The following ZNF430 variants were observed in gnomAD, a reference collection of about 807,000 sequenced individuals.
ZNF430 encodes zinc finger protein 430.
Under a neutral mutation model 56.7 loss-of-function variants are expected in ZNF430, and 35 were observed. The ratio of observed to expected loss-of-function variants is 0.62; its 90% CI spans 0.47 to 0.82. The LOEUF (loss-of-function observed/expected upper bound fraction) is 0.82. Among genes scored for constraint, ZNF430 ranks in the 40% least tolerant of loss-of-function variants. ZNF430 has a pLI of 0.00. For missense variants in ZNF430, 574 were observed against 661.0 expected (o/e 0.87, Z 1.44); for synonymous variants, 212 against 224.3 (o/e 0.94, Z 0.49).
At chr19:21,032,795 A>G (rs1316269050) in intron 2 of ZNF430, among the ~76,000 whole-genome samples, 1 of 152,202 alleles carries the variant, frequency 6.6e-6, no homozygotes, top group Non-Finnish European at 1.5e-5. Flanking sequence ...GAAGAAAAAA[A>G]GTCTGCACAA....
intron 4 of ZNF430, among the ~76,000 whole-genome samples, chr19:21,053,076 C>T (rs1968310902): frequency 6.6e-6 from 1 of 152,088 alleles, no homozygotes; most frequent in South Asian, 2.1e-4. Context: ...AAATGCATCG[C>T]GACTGTTCAG....
chr19:21,044,806 T>C (rs1968160451), intron 4 of ZNF430, among the ~76,000 whole-genome samples: 1 of 152,208 alleles, frequency 6.6e-6, no homozygotes, highest in Non-Finnish European at 1.5e-5. Context: ...GGTTTGGTCT[T>C]GGGAGGGTGT....
chr19:21,020,885 C>G (rs1409357339), intron 1 of ZNF430, 82 bp downstream of exon 1: 1 of 1,580,222 alleles, frequency 6.3e-7, no homozygotes, highest in African/African-American at 1.3e-5. Flanking sequence ...GGGACTCAGG[C>G]CTCCCGGCAG....
In ZNF430 at chr19:21,059,946, G is replaced by T. The variant is rs756184790; in HGVS notation, c.*1925G>T. ...GTAGGTGTTCAGAGTAATATTTTGC[G>T]TTGTGAGAACATTTTTAATTTTATT... is the stretch of plus-strand genomic sequence containing the variant. On this transcript the variant is annotated 3_prime_UTR_variant, in exon 5 of 5. Transcript: ENST00000261560. 1 of 151,954 alleles carries T rather than the reference G, an allele frequency of 6.6e-6. No homozygotes were observed. Among genetic ancestry groups the T allele is most frequent in the East Asian group, 1.9e-4 (1 of 5,182 alleles). The allele number at this position is 151,954 out of a possible 1,614,324, so 9.4% of individuals were successfully genotyped here. A position where few individuals can be genotyped will look rare whatever the true frequency, so the allele number is the denominator to read the frequency against.
At chr19:21,028,509 A>T (rs1044975555) in intron 2 of ZNF430, among the ~76,000 whole-genome samples, 1 of 152,070 alleles carries the variant, frequency 6.6e-6, no homozygotes, top group African/African-American at 2.4e-5. Flanking sequence ...TCCAGCCTGG[A>T]TTATCATTGG....
intron 1 of ZNF430, 37 bp from the exon 2 acceptor site, chr19:21,022,752 T>C: frequency 3.7e-6 from 5 of 1,346,268 alleles, no homozygotes; most frequent in Non-Finnish European, 4.3e-6. Context: ...TTAGAGTGTC[T>C]AGTGGATATC....
intron 4 of ZNF430, among the ~76,000 whole-genome samples, chr19:21,046,438 G>T (rs1434137046): frequency 1.3e-5 from 2 of 152,038 alleles, no homozygotes; most frequent in Admixed American, 6.6e-5. Context: ...AGTGTCATTG[G>T]TCTTTGTACT....
rs758383489 is a variant in ZNF430, at chr19:21,057,118, T to G, written c.810T>G (p.Phe270Leu). Reference protein sequence around the residue: ...PYKCEQCGKAFKQSSTLTTHK... With the variant: ...PYKCEQCGKALKQSSTLTTHK... The stretch of plus-strand genomic sequence containing the variant: ...AATGTGAACAATGTGGCAAAGCTTT[T>G]AAGCAGTCCTCAACCCTTACTACAC... Residue 270 changes from phenylalanine (F) to leucine (L), a missense_variant, in exon 5 of 5, where the codon TTT becomes TTG. This residue lies in a region of ZNF430 where 346 missense variants were observed against 399.1 expected (regional missense o/e 0.87). Transcript: ENST00000261560. 3 of 1,614,100 alleles carry G rather than the reference T, an allele frequency of 1.9e-6. No homozygotes were observed. Among genetic ancestry groups the G allele is most frequent in the Non-Finnish European group, 2.5e-6 (3 of 1,179,998 alleles).
chr19:21,053,075 G>A (rs1188570521), intron 4 of ZNF430, among the ~76,000 whole-genome samples: 1 of 152,038 alleles, frequency 6.6e-6, no homozygotes, highest in Non-Finnish European at 1.5e-5. Context: ...AAAATGCATC[G>A]CGACTGTTCA....
chr19:21,056,862 T>C lies in ZNF430; in HGVS notation c.554T>C (p.Val185Ala). 6.2e-7 allele frequency: 1 copy of C among 1,610,336 alleles called. No homozygotes were observed. Among genetic ancestry groups the C allele is most frequent in the South Asian group, 1.1e-5 (1 of 90,160 alleles). The change falls in exon 5 of 5, where the codon GTC becomes GCC. Residue 185 changes from valine to alanine, a missense_variant. By Grantham distance (64) the Val-to-Ala change is moderately conservative. Coordinates refer to ENST00000261560, the MANE Select transcript of ZNF430 (RefSeq NM_025189.4). ...EIFQYDKYVNVFYKFSNPNIQ... is the reference protein window; with the variant it reads ...EIFQYDKYVNAFYKFSNPNIQ... ...TTTCAATATGATAAATATGTGAATG[T>C]CTTTTATAAATTTTCAAATCCAAAT...
chr19:21,054,745 G>A (rs1203014575), intron 4 of ZNF430, among the ~76,000 whole-genome samples: 1 of 126,246 alleles, frequency 7.9e-6, no homozygotes, highest in Admixed American at 1.1e-4. Flanking sequence ...GCGCATCTCC[G>A]CTCACTATAA....
chr19:21,047,245 A>C (rs938022416), intron 4 of ZNF430, among the ~76,000 whole-genome samples: 1 of 152,064 alleles, frequency 6.6e-6, no homozygotes, highest in African/African-American at 2.4e-5. Context: ...AATGTTTTTC[A>C]TGGTTCTTAG....
At position 21,056,824 on chromosome 19, in the gene ZNF430, C is replaced by A. The variant is rs1968386866; in HGVS notation, c.516C>A (p.Thr172=). ...YDELNQCLTT[T]QSEIFQYDKY... The stretch of plus-strand genomic sequence containing the variant: ...AACTAAACCAGTGTTTGACAACTAC[C>A]CAGAGTGAAATATTTCAATATGATA... Residue 172 remains threonine (T), a synonymous_variant, in exon 5 of 5, where the codon ACC becomes ACA. Coordinates refer to ENST00000261560, the MANE Select transcript of ZNF430 (RefSeq NM_025189.4). 1.2e-6 allele frequency: 2 copies of A among 1,613,406 alleles called. No individual in the cohort carries two copies. Among genetic ancestry groups the A allele is most frequent in the African/African-American group, 1.3e-5 (1 of 74,862 alleles).
intron 4 of ZNF430, among the ~76,000 whole-genome samples, chr19:21,051,050 A>G (rs1408273029): frequency 6.6e-6 from 1 of 152,214 alleles, no homozygotes; most frequent in East Asian, 1.9e-4. Flanking sequence ...TATGCTGTTT[A>G]GTCATATTAA....
chr19:21,053,598 T>G (rs947138558), intron 4 of ZNF430: 4 of 152,276 alleles, frequency 2.6e-5, no homozygotes, highest in Admixed American at 2.6e-4. Context: ...TTCACCATGT[T>G]GGCCAGGCTG....
intron 4 of ZNF430, among the ~76,000 whole-genome samples, chr19:21,040,794 A>C (rs941954497): frequency 1.3e-5 from 2 of 152,122 alleles, no homozygotes; most frequent in Non-Finnish European, 2.9e-5. Flanking sequence ...CCTTTGCCAA[A>C]ATATGCTTTA....
intron 4 of ZNF430, among the ~76,000 whole-genome samples, chr19:21,038,771 T>A (rs928133209): frequency 2.0e-5 from 3 of 152,160 alleles, no homozygotes; most frequent in African/African-American, 7.2e-5. Flanking sequence ...GTTTATTCTT[T>A]TTCATGGGTG....
chr19:21,037,820 C>T (rs933312634), intron 4 of ZNF430, among the ~76,000 whole-genome samples: 1 of 152,076 alleles, frequency 6.6e-6, no homozygotes, highest in African/African-American at 2.4e-5. Context: ...ATGTGTTTCT[C>T]TACAAATTAT....
rs759072232 is a variant in ZNF430 at position 21,057,498 on chromosome 19, G to T, written c.1190G>T (p.Gly397Val). 1 of 1,613,468 alleles carries T rather than the reference G, an allele frequency of 6.2e-7. No homozygotes were observed. Among genetic ancestry groups the T allele is most frequent in the Non-Finnish European group, 8.5e-7 (1 of 1,179,904 alleles). The change falls in exon 5 of 5, where the codon GGA (glycine) becomes GTA (valine). Residue 397 changes from glycine (G) to valine (V), a missense_variant. Physicochemically the swap from Gly to Val is moderately radical, Grantham distance 109. Coordinates refer to ENST00000261560, the MANE Select transcript of ZNF430 (RefSeq NM_025189.4). ...ACTAAACATAAGATAATTCATACTG[G>T]AGAGAAATTCTACAAATGTGAAGAA... Reference protein sequence around the residue: ...YLTKHKIIHTGEKFYKCEECG... With the variant: ...YLTKHKIIHTVEKFYKCEECG...
Sources: gnomAD v4.1 joint callset for allele counts (sites outside exome capture counted in the v4.1 genomes callset) on GRCh38, gnomAD v4.1.1 for gene constraint, gnomAD v4.1.1 regional missense constraint, MANE v1.5 for transcripts, NCBI Gene and HGNC (gene_info 2026-07-23, HGNC 2026-07-21) for gene names.